The following MYO18B variants were observed in gnomAD, a reference collection of about 807,000 sequenced individuals.
MYO18B encodes the protein myosin XVIIIB.
MYO18B carries 204 observed loss-of-function variants against 273.0 expected under a neutral mutation model. That is an observed-to-expected ratio of 0.75 (90% CI 0.67 to 0.84). The LOEUF is 0.84. Among genes scored for constraint, MYO18B ranks in the 40% least tolerant of loss-of-function variants. The pLI, the probability that MYO18B is intolerant of heterozygous loss-of-function variation, is 0.00. For missense variants in MYO18B, 3,212 were observed against 3,287.6 expected (o/e 0.98, Z 0.56); for synonymous variants, 1,330 against 1,305.7 (o/e 1.02, Z -0.40).
At chr22:25,977,915 T>A (rs577276462) in intron 39 of MYO18B, among the ~76,000 whole-genome samples, 36 of 152,280 alleles carry the variant, frequency 2.4e-4, no homozygotes, top group African/African-American at 8.2e-4. Context: ...TGGGGTCACG[T>A]TGCAAATGGT....
Position 25,828,844 on chromosome 22 carries a change from C to T in MYO18B, c.2855C>T (p.Pro952Leu). 2 of 1,614,002 alleles carry T rather than the reference C, an allele frequency of 1.2e-6. No homozygotes were observed. Among genetic ancestry groups the T allele is most frequent in the East Asian group, 2.2e-5 (1 of 44,880 alleles). Residue 952 changes from proline to leucine, a missense_variant, in exon 15 of 44, where the codon CCC (proline) becomes CTC (leucine). Coordinates refer to ENST00000335473, the MANE Select transcript of MYO18B (RefSeq NM_032608.7). ...GTGGACTCTCCAGGCTTCCAGAACC[C>T]CCGGCACCAGGGCAAGGACCGGGCG... ...MVVDSPGFQN[P>L]RHQGKDRAAT...
intron 39 of MYO18B, among the ~76,000 whole-genome samples, chr22:25,956,481 G>C (rs1026996089): frequency 6.6e-6 from 1 of 152,158 alleles, no homozygotes; most frequent in African/African-American, 2.4e-5. Context: ...CACCCAAAGT[G>C]CTAGGATTAC....
At chr22:25,992,909 T>C (rs557148391) in intron 40 of MYO18B, among the ~76,000 whole-genome samples, 58 of 152,338 alleles carry the variant, frequency 3.8e-4, no homozygotes, top group Non-Finnish European at 7.5e-4. Context: ...CTACTGCCTA[T>C]TTCTTAGGGC....
intron 8 of MYO18B, 144 bp downstream of exon 8, chr22:25,777,925 G>A: frequency 1.4e-6 from 1 of 698,730 alleles, no homozygotes; most frequent in South Asian, 3.2e-5. Context: ...CTACTGGGCA[G>A]GGCTATCCCT....
rs1601330275 is a variant in MYO18B at position 25,846,048 on chromosome 22, C to T, written c.3369-52C>T. On this transcript the variant is annotated intron_variant, in intron 18 of 43. Transcript: ENST00000335473. Reference sequence around the variant, plus strand: ...CCCTTTGCCACCACCCAGGCCAAGGCTTTCCCAAGAACCTCCTAAAGCTCC... The same window carrying T: ...CCCTTTGCCACCACCCAGGCCAAGGTTTTCCCAAGAACCTCCTAAAGCTCC... The T allele has an allele frequency of 1.8e-5, 26 of 1,435,528 alleles. 1 individual carries two copies. In the East Asian group the frequency reaches 6.6e-4, roughly 36 times the overall value. 88.9% of individuals were successfully genotyped at this position (1,435,528 alleles called of 1,614,324 possible). A position where few individuals can be genotyped will look rare whatever the true frequency, so the allele number is the denominator to read the frequency against.
intron 39 of MYO18B, among the ~76,000 whole-genome samples, chr22:25,973,162 C>A (rs1426246045): frequency 6.6e-6 from 1 of 152,122 alleles, no homozygotes; most frequent in Non-Finnish European, 1.5e-5. Flanking sequence ...GGTCCAGAAG[C>A]TAACCACACA....
intron 12 of MYO18B, among the ~76,000 whole-genome samples, chr22:25,816,965 G>A (rs2089041134): frequency 6.6e-6 from 1 of 152,218 alleles, no homozygotes; most frequent in Non-Finnish European, 1.5e-5. Context: ...TTCAGCAACA[G>A]CACAGCTATT....
At chr22:26,037,893 C>A in the MYO18B span, among the ~76,000 whole-genome samples, 1 of 152,148 alleles carries the variant, frequency 6.6e-6, no homozygotes, top group Non-Finnish European at 1.5e-5. Flanking sequence ...GGACTAATAC[C>A]CCATACCTGT....
intron 27 of MYO18B, among the ~76,000 whole-genome samples, chr22:25,891,990 C>A (rs1389627785): frequency 2.6e-5 from 4 of 152,164 alleles, no homozygotes; most frequent in Admixed American, 1.3e-4. Context: ...GGCTACAGAG[C>A]AAGACCCTGT....
chr22:25,756,947 G>A (rs920121036), intron 1 of MYO18B, among the ~76,000 whole-genome samples: 5 of 152,174 alleles, frequency 3.3e-5, no homozygotes, highest in African/African-American at 4.8e-5. Flanking sequence ...TGTAATCCCA[G>A]CTACTCAGGA....
chr22:25,986,317 A>G (rs1321872177), intron 39 of MYO18B, among the ~76,000 whole-genome samples: 8 of 152,156 alleles, frequency 5.3e-5, no homozygotes, highest in Admixed American at 4.6e-4. Flanking sequence ...AATAAAGTAT[A>G]TATTTTTTAA....
At position 25,874,369 on chromosome 22, in the gene MYO18B, G is replaced by A. The variant is rs376850856; in HGVS notation, c.4035G>A (p.Ala1345=). 24 of 1,613,874 alleles carry A rather than the reference G, an allele frequency of 1.5e-5. No homozygotes were observed. The highest frequency in any genetic ancestry group is 4.5e-5 in the East Asian group (2 of 44,896). ...LVSQSIVLFQ[A]ACKGFLSRQE... ...CTCAGAGCATCGTTCTCTTCCAGGC[G>A]GCTTGCAAGGGCTTTCTGTCTCGCC... is the stretch of plus-strand genomic sequence containing the variant. The change falls in exon 23 of 44, where the codon GCG becomes GCA. Residue 1345 remains alanine, a synonymous_variant. Transcript: ENST00000335473.
intron 17 of MYO18B, among the ~76,000 whole-genome samples, chr22:25,836,087 A>G (rs901122822): frequency 6.6e-6 from 1 of 152,158 alleles, no homozygotes; most frequent in Non-Finnish European, 1.5e-5. Flanking sequence ...TTAGCAGGTA[A>G]AGTCCATAGC....
chr22:25,995,460 G>T (rs2146866787), intron 40 of MYO18B, among the ~76,000 whole-genome samples: 1 of 152,302 alleles, frequency 6.6e-6, no homozygotes, highest in East Asian at 1.9e-4. Context: ...CATTTTCCAT[G>T]ATATGGTTGT....
intron 11 of MYO18B, among the ~76,000 whole-genome samples, chr22:25,797,162 A>T (rs2087953700): frequency 6.6e-6 from 1 of 152,148 alleles, no homozygotes; most frequent in African/African-American, 2.4e-5. Flanking sequence ...GGGGGCGCGG[A>T]GGTTGCAGTG....
At chr22:25,926,020 A>G (rs750140217) in intron 34 of MYO18B, among the ~76,000 whole-genome samples, 4 of 151,650 alleles carry the variant, frequency 2.6e-5, no homozygotes, top group Non-Finnish European at 4.4e-5. Context: ...ACTGGCTAAC[A>G]TGGTGAAACC....
Position 26,030,719 on chromosome 22 carries a change from A to G in MYO18B, c.*289A>G. 2.6e-6 allele frequency: 1 copy of G among 388,686 alleles called. No individual in the cohort carries two copies. The highest frequency in any genetic ancestry group is 4.5e-6 in the Non-Finnish European group (1 of 220,142). 24.1% of individuals were successfully genotyped at this position (388,686 alleles called of 1,614,324 possible). ...GGGTGCAGATAGGGGTAGGACTGTT[A>G]GAATAGAACCAACCCAAACTGTGTG... On this transcript the variant is annotated 3_prime_UTR_variant, in exon 44 of 44. Coordinates refer to ENST00000335473, the MANE Select transcript of MYO18B (RefSeq NM_032608.7).
chr22:25,886,671 C>G (rs1200198234), intron 25 of MYO18B, among the ~76,000 whole-genome samples: 2 of 152,130 alleles, frequency 1.3e-5, no homozygotes, highest in African/African-American at 4.8e-5. Flanking sequence ...CTGGTTTGTT[C>G]TAGGTGGATA....
intron 21 of MYO18B, among the ~76,000 whole-genome samples, chr22:25,852,211 T>C (rs2090446635): frequency 6.6e-6 from 1 of 152,212 alleles, no homozygotes; most frequent in African/African-American, 2.4e-5. Context: ...TTTCTCTGCC[T>C]GGAGCACTCG....
Sources: gnomAD v4.1 joint callset for allele counts (sites outside exome capture counted in the v4.1 genomes callset) on GRCh38, gnomAD v4.1.1 for gene constraint, MANE v1.5 for transcripts, NCBI Gene and HGNC (gene_info 2026-07-23, HGNC 2026-07-21) for gene names.